GRK5: variants seen among roughly 807,000 people sequenced by gnomAD.
The protein encoded by GRK5 is g protein-coupled receptor kinase GRK5.
Under a neutral mutation model 78.4 loss-of-function variants are expected in GRK5, and 40 were observed. The ratio of observed to expected loss-of-function variants is 0.51; its 90% confidence interval spans 0.40 to 0.66. The LOEUF (loss-of-function observed/expected upper bound fraction) is 0.66. Ranked by LOEUF, GRK5 falls within the 30% of genes least tolerant of loss-of-function variation. The probability of loss-of-function intolerance (pLI) is 0.00; values close to 1 mark genes in which losing one functional copy is unlikely to be tolerated. For synonymous variants in GRK5, 289 were observed against 296.8 expected (o/e 0.97, Z 0.27); for missense variants, 598 against 759.9 (o/e 0.79, Z 2.50).
At chr10:119,386,339 A>C (rs1851793874) in intron 3 of GRK5, among the ~76,000 whole-genome samples, 2 of 152,218 alleles carry the variant, frequency 1.3e-5, no homozygotes, top group South Asian at 4.1e-4. Context: ...AGGCAGCAGC[A>C]GCTTTGGGAG....
Position 119,217,913 on chromosome 10 carries a change from C to T in GRK5, c.52+9944C>T, listed in dbSNP as rs1848600720. Among the ~76,000 whole-genome samples, 1 of 152,018 alleles carries T rather than the reference C, an allele frequency of 6.6e-6. No homozygotes were observed. Among genetic ancestry groups the T allele is most frequent in the East Asian group, 1.9e-4 (1 of 5,186 alleles). ...AAGTAGGGGGTTAGAGAGGGGGAGG[C>T]GAGGAGGGTTTTTCTTGCAGATTGC... On this transcript the variant is annotated intron_variant, in intron 1 of 15. Transcript: ENST00000392870. This position sits in a 1 kb window ranked among gnomAD's most constrained non-coding sequence, Gnocchi z 4.1.
intron 1 of GRK5, chr10:119,208,531 A>G (rs868455745): frequency 1.3e-4 from 20 of 153,584 alleles, no homozygotes; most frequent in Middle Eastern, 3.3e-3. Flanking sequence ...GCCTTTTCAT[A>G]GAATTATCAA....
intron 1 of GRK5, among the ~76,000 whole-genome samples, chr10:119,225,671 T>C (rs1315155909): frequency 6.0e-4 from 4 of 6,720 alleles, no homozygotes; most frequent in African/African-American, 2.2e-3. Flanking sequence ...TCTCTCTCTC[T>C]TTTTTTTTTT....
intron 2 of GRK5, among the ~76,000 whole-genome samples, chr10:119,339,949 A>G (rs1299259955): frequency 6.6e-6 from 1 of 152,134 alleles, no homozygotes; most frequent in African/African-American, 2.4e-5. Flanking sequence ...TTACCCTCCA[A>G]AGAGCTAGGG....
intron 1 of GRK5, among the ~76,000 whole-genome samples, chr10:119,224,885 C>A (rs998835354): frequency 2.6e-4 from 39 of 152,192 alleles, no homozygotes; most frequent in Non-Finnish European, 8.8e-5. Context: ...GCAAAACCAT[C>A]CTCAGCTGCA....
chr10:119,392,777 T>C (rs1395326427), intron 3 of GRK5, among the ~76,000 whole-genome samples: 1 of 152,118 alleles, frequency 6.6e-6, no homozygotes, highest in East Asian at 1.9e-4. Context: ...TCTCTCTCTC[T>C]CTGGTTGGAA....
intron 1 of GRK5, among the ~76,000 whole-genome samples, chr10:119,308,773 C>T (rs1382054091): frequency 2.0e-5 from 3 of 152,258 alleles, no homozygotes; most frequent in Non-Finnish European, 4.4e-5. Context: ...AGGCCAGCTG[C>T]TTCCTGGTTC....
intron 2 of GRK5, among the ~76,000 whole-genome samples, chr10:119,330,621 C>T (rs1172243100): frequency 1.3e-5 from 2 of 152,128 alleles, no homozygotes; most frequent in Non-Finnish European, 2.9e-5. Context: ...AGCCAGTGCA[C>T]CCTGGCTTTC....
intron 1 of GRK5, among the ~76,000 whole-genome samples, chr10:119,236,858 C>G (rs1056864762): frequency 6.6e-6 from 1 of 151,950 alleles, no homozygotes; most frequent in Non-Finnish European, 1.5e-5. Flanking sequence ...TCTCGAACTC[C>G]TGACCTCAGG....
intron 9 of GRK5, 152 bp downstream of exon 9, chr10:119,436,993 A>G: frequency 6.6e-6 from 5 of 756,792 alleles, no homozygotes; most frequent in South Asian, 2.0e-5. Flanking sequence ...TTTCCACTCC[A>G]GGAAGCTGGG....
intron 1 of GRK5, among the ~76,000 whole-genome samples, chr10:119,323,639 G>T (rs1251361360): frequency 1.3e-5 from 2 of 152,234 alleles, no homozygotes; most frequent in East Asian, 3.8e-4. Flanking sequence ...TTCTTGCCAT[G>T]TGGGGTGCCT....
intron 4 of GRK5, among the ~76,000 whole-genome samples, chr10:119,420,100 G>A (rs750086588): frequency 3.9e-5 from 6 of 152,184 alleles, no homozygotes; most frequent in Non-Finnish European, 7.4e-5. Context: ...GAGTGACCCT[G>A]AGAAAATTGC....
intron 4 of GRK5, among the ~76,000 whole-genome samples, chr10:119,421,434 C>T (rs1852567585): frequency 6.6e-6 from 1 of 152,216 alleles, no homozygotes; most frequent in Admixed American, 6.5e-5. Flanking sequence ...GAGGGTGAGA[C>T]GGAGGCACAA....
intron 1 of GRK5, among the ~76,000 whole-genome samples, chr10:119,276,241 A>G (rs1849667782): frequency 2.6e-5 from 4 of 152,004 alleles, no homozygotes; most frequent in African/African-American, 7.2e-5. Flanking sequence ...AGCATTAGAT[A>G]TATCTCCTAA....
chr10:119,355,398 T>C (rs1182574958), intron 2 of GRK5, among the ~76,000 whole-genome samples: 2 of 152,244 alleles, frequency 1.3e-5, no homozygotes, highest in East Asian at 3.8e-4. Flanking sequence ...TTTTATTTCC[T>C]TTGGGTATAT....
In GRK5 at chr10:119,436,725, G is replaced by A; in HGVS notation, c.813G>A (p.Leu271=). Residue 271 remains leucine (L), a synonymous_variant, in exon 9 of 16, where the codon CTG becomes CTA. Coordinates refer to ENST00000392870, the MANE Select transcript of GRK5 (RefSeq NM_005308.3). The stretch of plus-strand genomic sequence containing the variant: ...TGACCATCATGAATGGGGGTGACCT[G>A]AAGTTCCACATCTACAACATGGGCA... The part of the protein sequence containing the change: ...LVLTIMNGGD[L]KFHIYNMGNP... The A allele has an allele frequency of 1.2e-6, 2 of 1,614,228 alleles. No individual in the cohort carries two copies. Among genetic ancestry groups the A allele is most frequent in the South Asian group, 1.1e-5 (1 of 91,082 alleles).
chr10:119,260,563 C>A (rs200615715), intron 1 of GRK5, among the ~76,000 whole-genome samples: 3,004 of 151,758 alleles, frequency 0.02, 54 homozygotes, highest in Admixed American at 0.053. Flanking sequence ...CCTTCCGCAG[C>A]GTTTGTGTCC....
intron 1 of GRK5, among the ~76,000 whole-genome samples, chr10:119,290,363 AC>A (rs370474093): frequency 0.11 from 14,646 of 128,126 alleles, 1,024 homozygotes; most frequent in Admixed American, 0.15. Flanking sequence ...AAAAAAAAAA[AC>A]AAAAAACAAC....
chr10:119,324,579 G>A (rs372655626), intron 1 of GRK5, among the ~76,000 whole-genome samples: 3 of 152,154 alleles, frequency 2.0e-5, no homozygotes, highest in East Asian at 1.9e-4. Context: ...GCAGTGAACC[G>A]AGATCGTGCC....
Sources: allele counts gnomAD v4.1 joint callset (sites outside exome capture counted in the v4.1 genomes callset), GRCh38; gene constraint gnomAD v4.1.1; non-coding constraint Gnocchi (gnomAD v3.1); transcripts MANE v1.5; gene names NCBI Gene and HGNC (gene_info 2026-07-23, HGNC 2026-07-21).